FRMD4B: variants seen among roughly 807,000 people sequenced by gnomAD.
FRMD4B encodes FERM domain-containing protein 4B.
Under a neutral mutation model 141.5 loss-of-function variants are expected in FRMD4B, and 74 were observed. That is an observed-to-expected ratio of 0.52 (90% confidence interval 0.43 to 0.63). FRMD4B has a LOEUF of 0.63. Ranked by LOEUF, FRMD4B falls within the 30% of genes least tolerant of loss-of-function variation. The probability of loss-of-function intolerance (pLI) is 0.00; values close to 1 mark genes in which losing one functional copy is unlikely to be tolerated. For missense variants in FRMD4B, 1,366 were observed against 1,253.4 expected (o/e 1.09, Z -1.36); for synonymous variants, 506 against 467.9 (o/e 1.08, Z -1.05).
chr3:69,298,334 A>G (rs567704400), intron 4 of FRMD4B, among the ~76,000 whole-genome samples: 25 of 152,310 alleles, frequency 1.6e-4, no homozygotes, highest in African/African-American at 5.5e-4. Context: ...ATCTCCAGTG[A>G]ATGTGTAGTG....
intron 1 of FRMD4B, among the ~76,000 whole-genome samples, chr3:69,341,661 G>A (rs900716934): frequency 7.9e-5 from 12 of 152,286 alleles, no homozygotes; most frequent in Admixed American, 5.9e-4. Flanking sequence ...CAAAATTCAG[G>A]TGTTGCCAAT....
At chr3:69,348,128 C>A (rs1258048800) in intron 1 of FRMD4B, among the ~76,000 whole-genome samples, 1 of 151,966 alleles carries the variant, frequency 6.6e-6, no homozygotes, top group African/African-American at 2.4e-5. Flanking sequence ...CAAATAGATG[C>A]AATAAAAAAT....
rs988195889 is a variant in FRMD4B at position 69,451,097 on chromosome 3, C to G, written c.-128-18336G>C. Reference sequence around the variant, plus strand: ...CTCCTTCCACTCCGAGCCTCTGCTTCTCAGTGCTTCCAGGAACCAGCAGGG... The same window carrying G: ...CTCCTTCCACTCCGAGCCTCTGCTTGTCAGTGCTTCCAGGAACCAGCAGGG... On this transcript the variant is annotated intron_variant, in intron 1 of 5. Coordinates refer to the FRMD4B transcript ENST00000459638. Among the ~76,000 whole-genome samples, 3 of 152,210 alleles carry G rather than the reference C, an allele frequency of 2.0e-5. No individual in the cohort carries two copies. The East Asian group carries it at 5.8e-4, about 29-fold the overall frequency.
chr3:69,290,121 G>A (rs1292303045), intron 4 of FRMD4B, among the ~76,000 whole-genome samples: 1 of 152,084 alleles, frequency 6.6e-6, no homozygotes, highest in Non-Finnish European at 1.5e-5. Flanking sequence ...CTTCTACCCT[G>A]AGCCCTGCTG....
chr3:69,188,761 C>A (rs1408023973), intron 18 of FRMD4B, among the ~76,000 whole-genome samples: 5 of 26,342 alleles, frequency 1.9e-4, no homozygotes, highest in South Asian at 3.9e-3. Context: ...GAGACTCCGT[C>A]TCAAAAAAAA....
intron 1 of FRMD4B, among the ~76,000 whole-genome samples, chr3:69,507,609 C>T (rs1706619308): frequency 1.3e-5 from 2 of 152,164 alleles, no homozygotes; most frequent in Admixed American, 1.3e-4. Context: ...TTTACTGCTA[C>T]AAACAGTGCT....
intron 2 of FRMD4B, among the ~76,000 whole-genome samples, chr3:69,410,726 A>AATAAATAAATAAAT (rs1559519781): frequency 1.2e-5 from 1 of 86,340 alleles, no homozygotes; most frequent in African/African-American, 4.1e-5. Flanking sequence ...TAAATAAATA[A>AATAAATAAATAAAT]ATATATATAT....
chr3:69,187,270 G>T (rs11712024), intron 19 of FRMD4B, among the ~76,000 whole-genome samples: 124,163 of 151,920 alleles, frequency 0.82, 54,455 homozygotes, highest in Non-Finnish European at 0.99. Context: ...TTTCAGCCAG[G>T]CACGGTGGCT....
At chr3:69,193,367 G>C (rs962522962) in intron 17 of FRMD4B, among the ~76,000 whole-genome samples, 1 of 152,142 alleles carries the variant, frequency 6.6e-6, no homozygotes, top group Non-Finnish European at 1.5e-5. Context: ...AATTAGCTAG[G>C]TGTGGTGGCG....
intron 5 of FRMD4B, among the ~76,000 whole-genome samples, chr3:69,282,890 G>A (rs921569322): frequency 1.3e-5 from 2 of 151,992 alleles, no homozygotes; most frequent in African/African-American, 4.8e-5. Context: ...ACCCGCCTTG[G>A]CTTCCCAAAG....
chr3:69,326,710 G>T (rs1377675243), intron 1 of FRMD4B, among the ~76,000 whole-genome samples: 1 of 152,184 alleles, frequency 6.6e-6, no homozygotes, highest in Non-Finnish European at 1.5e-5. Context: ...CAAACAACAT[G>T]AGAGGGAAAA....
chr3:69,447,800 AT>A (rs1479203146), intron 1 of FRMD4B, among the ~76,000 whole-genome samples: 2 of 152,072 alleles, frequency 1.3e-5, no homozygotes, highest in Non-Finnish European at 2.9e-5. Context: ...CATAGTCTGA[AT>A]TTTTTTGTGT....
Position 69,211,023 on chromosome 3 carries a change from G to A in FRMD4B, c.876+5240C>T, listed in dbSNP as rs1174347165. ...ACAAGAGTGAGTGAAATGCCATCTC[G>A]AAAAAAAAAAAAAAAAAGAAAGAAA... On this transcript the variant is annotated intron_variant, in intron 11 of 22. Transcript: ENST00000398540. Among the ~76,000 whole-genome samples the A allele has an allele frequency of 1.7e-3, 148 of 85,818 alleles. 1 individual carries two copies. Among genetic ancestry groups the A allele is most frequent in the African/African-American group, 5.0e-3 (109 of 21,798 alleles). The allele number at this position is 85,818 out of a possible 152,430, so 56.3% of individuals were successfully genotyped here. A position where few individuals can be genotyped will look rare whatever the true frequency, so the allele number is the denominator to read the frequency against.
intron 1 of FRMD4B, among the ~76,000 whole-genome samples, chr3:69,457,371 T>C (rs1705636904): frequency 6.6e-6 from 1 of 152,172 alleles, no homozygotes; most frequent in South Asian, 2.1e-4. Context: ...TTCTCAATTT[T>C]CCATAATAAA....
At chr3:69,501,155 G>A (rs534273659) in intron 1 of FRMD4B, among the ~76,000 whole-genome samples, 7 of 151,720 alleles carry the variant, frequency 4.6e-5, no homozygotes, top group Admixed American at 2.0e-4. Context: ...AGTGGCCCAG[G>A]ATGGCTTTGA....
At chr3:69,418,891 A>G (rs62251452) in intron 2 of FRMD4B, among the ~76,000 whole-genome samples, 41,297 of 151,836 alleles carry the variant, frequency 0.27, 6,040 homozygotes, top group East Asian at 0.44. Flanking sequence ...ATGTTGTTTA[A>G]GCTGCTAAAT....
At chr3:69,487,502 G>A (rs1706234248) in intron 1 of FRMD4B, among the ~76,000 whole-genome samples, 1 of 152,224 alleles carries the variant, frequency 6.6e-6, no homozygotes, top group Admixed American at 6.5e-5. Flanking sequence ...GAAGAGACTG[G>A]TCAGGAGACT....
At chr3:69,496,660 AGAG>A (rs1706402887) in intron 1 of FRMD4B, among the ~76,000 whole-genome samples, 1 of 149,718 alleles carries the variant, frequency 6.7e-6, no homozygotes. Flanking sequence ...AGAGAGAGAG[AGAG>A]AGAGAGAGAG....
chr3:69,254,207 C>T (rs1179223642), intron 5 of FRMD4B, among the ~76,000 whole-genome samples: 4 of 152,096 alleles, frequency 2.6e-5, no homozygotes, highest in East Asian at 3.9e-4. Flanking sequence ...CGAGTTCAAG[C>T]GATTCTCCTG....
Sources: allele counts gnomAD v4.1 joint callset (sites outside exome capture counted in the v4.1 genomes callset), GRCh38; gene constraint gnomAD v4.1.1; transcripts MANE v1.5; gene names NCBI Gene and HGNC (gene_info 2026-07-23, HGNC 2026-07-21).